The following NKAIN3 variants were observed in gnomAD, a reference collection of about 807,000 sequenced individuals.
The protein encoded by NKAIN3 is sodium/potassium-transporting ATPase subunit beta-1-interacting protein 3.
NKAIN3 carries 25 observed loss-of-function variants against 30.2 expected under a neutral mutation model. The ratio of observed to expected loss-of-function variants is 0.83; its 90% CI spans 0.60 to 1.16. NKAIN3 has a LOEUF of 1.16. Among genes scored for constraint, NKAIN3 ranks in the 50% most tolerant of loss-of-function variants. NKAIN3 has a pLI of 0.00. For missense variants in NKAIN3, 225 were observed against 254.1 expected (o/e 0.89, Z 0.78); for synonymous variants, 91 against 89.6 (o/e 1.02, Z -0.09).
intron 6 of NKAIN3, among the ~76,000 whole-genome samples, chr8:62,956,047 A>G (rs565061143): frequency 2.8e-4 from 43 of 152,338 alleles, no homozygotes; most frequent in Middle Eastern, 6.8e-3. Flanking sequence ...CTAAGACTGA[A>G]TTGAAATCAT....
intron 4 of NKAIN3, among the ~76,000 whole-genome samples, chr8:62,849,781 A>G (rs999004634): frequency 1.3e-5 from 2 of 151,984 alleles, no homozygotes; most frequent in Admixed American, 1.3e-4. Context: ...AAAGAACATG[A>G]ACTCGTCATT....
At chr8:62,451,900 A>G (rs1424804275) in intron 1 of NKAIN3, among the ~76,000 whole-genome samples, 1 of 152,232 alleles carries the variant, frequency 6.6e-6, no homozygotes, top group African/African-American at 2.4e-5. Flanking sequence ...CATACATGAA[A>G]GATTCCACAG....
At chr8:62,394,734 C>G (rs77526840) in intron 1 of NKAIN3, among the ~76,000 whole-genome samples, 1 of 84,632 alleles carries the variant, frequency 1.2e-5, no homozygotes, top group South Asian at 4.3e-4. Flanking sequence ...TCATCACTTC[C>G]CAGACGGGGT....
chr8:62,562,555 A>G (rs1418553181), intron 1 of NKAIN3, among the ~76,000 whole-genome samples: 1 of 152,146 alleles, frequency 6.6e-6, no homozygotes, highest in Non-Finnish European at 1.5e-5. Flanking sequence ...GAACAGAAAT[A>G]GAGTACTCAA....
intron 4 of NKAIN3, among the ~76,000 whole-genome samples, chr8:62,821,380 A>G (rs1021446638): frequency 6.6e-6 from 1 of 152,130 alleles, no homozygotes; most frequent in African/African-American, 2.4e-5. Flanking sequence ...AAACACTTAA[A>G]TATCTTTTCT....
intron 4 of NKAIN3, among the ~76,000 whole-genome samples, chr8:62,909,495 G>A (rs1237347101): frequency 6.6e-6 from 1 of 152,038 alleles, no homozygotes; most frequent in Non-Finnish European, 1.5e-5. Context: ...TATTTACTTT[G>A]CCTGTGTTTG....
intron 5 of NKAIN3, among the ~76,000 whole-genome samples, chr8:62,948,021 G>A (rs1823173520): frequency 6.6e-6 from 1 of 152,256 alleles, no homozygotes; most frequent in South Asian, 2.1e-4. Context: ...TAGATAACTA[G>A]AGCAAGCAGC....
intron 1 of NKAIN3, among the ~76,000 whole-genome samples, chr8:62,260,342 G>T (rs1222388735): frequency 6.6e-6 from 1 of 152,098 alleles, no homozygotes; most frequent in African/African-American, 2.4e-5. Context: ...AGCTGTAAAT[G>T]ATCATAATTA....
chr8:62,527,504 T>A (rs185725149), intron 1 of NKAIN3, among the ~76,000 whole-genome samples: 419 of 152,300 alleles, frequency 2.8e-3, no homozygotes, highest in African/African-American at 8.5e-3. Flanking sequence ...GTAACTTTTT[T>A]AAATTTGTGA....
intron 1 of NKAIN3, among the ~76,000 whole-genome samples, chr8:62,526,803 A>G (rs954110215): frequency 3.3e-5 from 5 of 152,022 alleles, no homozygotes; most frequent in African/African-American, 1.2e-4. Context: ...TCATCTCTCC[A>G]CTTCACAGTT....
chr8:62,932,963 A>G (rs1008637514), intron 5 of NKAIN3, among the ~76,000 whole-genome samples: 1 of 150,356 alleles, frequency 6.7e-6, no homozygotes, highest in Admixed American at 6.7e-5. Flanking sequence ...TGTCTGCCCT[A>G]GAAGGCTAAC....
At chr8:62,480,622 T>C (rs1806689457) in intron 1 of NKAIN3, among the ~76,000 whole-genome samples, 1 of 151,712 alleles carries the variant, frequency 6.6e-6, no homozygotes, top group Non-Finnish European at 1.5e-5. Flanking sequence ...ATTTTCAAAA[T>C]GGCCCTAGGA....
At chr8:62,835,475 GC>G (rs1819329425) in intron 4 of NKAIN3, among the ~76,000 whole-genome samples, 1 of 151,754 alleles carries the variant, frequency 6.6e-6, no homozygotes, top group South Asian at 2.1e-4. Flanking sequence ...AATTCAACAA[GC>G]AAAAAGCAAT....
chr8:62,729,023 CCAAAAAAAAAAA>C (rs1444331380), intron 3 of NKAIN3, among the ~76,000 whole-genome samples: 2 of 23,616 alleles, frequency 8.5e-5, no homozygotes, highest in African/African-American at 1.6e-4. Flanking sequence ...AACAAACAAA[CCAAAAAAAAAAA>C]AAAACAAAAA....
intron 5 of NKAIN3, among the ~76,000 whole-genome samples, chr8:62,932,995 A>AACACACACACAC (rs59854103): frequency 0.088 from 12,503 of 141,688 alleles, 587 homozygotes; most frequent in East Asian, 0.17. Context: ...TCACTCAATG[A>AACACACACACAC]ACACACACAC....
At chr8:62,790,924 A>G (rs568359033) in intron 4 of NKAIN3, among the ~76,000 whole-genome samples, 1 of 152,158 alleles carries the variant, frequency 6.6e-6, no homozygotes, top group South Asian at 2.1e-4. Flanking sequence ...TTTAAATCCT[A>G]TCTCGGCCGA....
chr8:62,296,949 C>T (rs1023626433), intron 1 of NKAIN3, among the ~76,000 whole-genome samples: 1 of 152,120 alleles, frequency 6.6e-6, no homozygotes, highest in African/African-American at 2.4e-5. Flanking sequence ...GACCCAAGAC[C>T]CTCACATTCT....
At chr8:62,304,428 A>G (rs887945947) in intron 1 of NKAIN3, among the ~76,000 whole-genome samples, 1 of 150,366 alleles carries the variant, frequency 6.7e-6, no homozygotes, top group Non-Finnish European at 1.5e-5. Flanking sequence ...CCCTTTTAGT[A>G]TGATTTGTAA....
At chr8:62,822,802 T>G (rs1818889472) in intron 4 of NKAIN3, among the ~76,000 whole-genome samples, 1 of 152,222 alleles carries the variant, frequency 6.6e-6, no homozygotes, top group Admixed American at 6.5e-5. Flanking sequence ...AAGTGCATTC[T>G]TAGGCAATTT....
Sources: allele counts gnomAD v4.1 joint callset (sites outside exome capture counted in the v4.1 genomes callset), GRCh38; gene constraint gnomAD v4.1.1; transcripts MANE v1.5; gene names NCBI Gene and HGNC (gene_info 2026-07-23, HGNC 2026-07-21).